Variants in PPP6R3 observed in about 807,000 individuals in gnomAD.
PPP6R3 encodes the protein serine/threonine-protein phosphatase 6 regulatory subunit 3.
PPP6R3 carries 38 observed loss-of-function variants against 110.7 expected under a neutral mutation model. The observed-to-expected ratio is 0.34, with a 90% CI of 0.26 to 0.45. The LOEUF (loss-of-function observed/expected upper bound fraction) is 0.45, where lower values mean the gene tolerates loss of function less well. PPP6R3 is among the 20% of genes least tolerant of loss of function. The pLI, the probability that PPP6R3 is intolerant of heterozygous loss-of-function variation, is 1.00. For synonymous variants in PPP6R3, 369 were observed against 373.5 expected (o/e 0.99, Z 0.14); for missense variants, 870 against 1,062.4 (o/e 0.82, Z 2.52).
chr11:68,603,526 G>GGT, intron 22 of PPP6R3, 34 bp downstream of exon 22: 1 of 1,612,966 alleles, frequency 6.2e-7, no homozygotes. Context: ...GGTAGCTTCA[G>GGT]GTTATTGGGA....
chr11:68,508,405 C>T (rs181735255), intron 1 of PPP6R3, among the ~76,000 whole-genome samples: 2 of 152,244 alleles, frequency 1.3e-5, no homozygotes, highest in East Asian at 3.9e-4. Context: ...GCTGGGATTA[C>T]AGGCGTGAGC....
intron 7 of PPP6R3, among the ~76,000 whole-genome samples, chr11:68,556,223 G>T (rs994690144): frequency 7.9e-5 from 12 of 152,078 alleles, no homozygotes; most frequent in Admixed American, 7.9e-4. Context: ...TAAATGTTAA[G>T]CACAGATAGC....
chr11:68,497,222 T>TA, intron 1 of PPP6R3, among the ~76,000 whole-genome samples: 1 of 150,256 alleles, frequency 6.7e-6, no homozygotes, highest in South Asian at 2.1e-4. Flanking sequence ...AATTTTTTTT[T>TA]TTTTTGTATT....
At chr11:68,461,215 CGCGCCCGGTCT>C (rs938742642) in intron 1 of PPP6R3, among the ~76,000 whole-genome samples, 1 of 151,538 alleles carries the variant, frequency 6.6e-6, no homozygotes, top group Non-Finnish European at 1.5e-5. Flanking sequence ...CCGCCCGGCC[CGCGCCCGGTCT>C]CCGCTCCCGC....
chr11:68,607,878 G>A (rs1036412793), intron 22 of PPP6R3, among the ~76,000 whole-genome samples: 2 of 151,754 alleles, frequency 1.3e-5, no homozygotes, highest in African/African-American at 4.8e-5. Context: ...AGCTCCAGCA[G>A]TCCTCCCACC....
chr11:68,520,395 A>C (rs919500090), intron 2 of PPP6R3, among the ~76,000 whole-genome samples: 1 of 152,164 alleles, frequency 6.6e-6, no homozygotes, highest in African/African-American at 2.4e-5. Flanking sequence ...GACTCTTGCA[A>C]CTGTCTTTTT....
chr11:68,582,963 T>C (rs2099567094), intron 14 of PPP6R3, 80 bp from the exon 15 acceptor site: 3 of 1,060,490 alleles, frequency 2.8e-6, no homozygotes, highest in South Asian at 1.5e-5. Flanking sequence ...AAACTAAATG[T>C]GATTTTTCCA....
At chr11:68,485,474 A>G (rs1591819832) in intron 1 of PPP6R3, among the ~76,000 whole-genome samples, 1 of 152,114 alleles carries the variant, frequency 6.6e-6, no homozygotes, top group East Asian at 1.9e-4. Context: ...CTTAGTGGGA[A>G]AGCTTTAATT....
intron 21 of PPP6R3, 145 bp from the exon 22 acceptor site, chr11:68,603,197 C>A: frequency 9.4e-7 from 1 of 1,059,724 alleles, no homozygotes; most frequent in Non-Finnish European, 1.4e-6. Context: ...AGAATGTGGC[C>A]CAGACAACAG....
chr11:68,565,905 A>T (rs981893543), intron 9 of PPP6R3, among the ~76,000 whole-genome samples: 2 of 152,172 alleles, frequency 1.3e-5, no homozygotes, highest in Non-Finnish European at 2.9e-5. Flanking sequence ...TGTGGGCCTT[A>T]CAGCTCTGTG....
rs1468423723 is a variant in PPP6R3 at position 68,588,150 on chromosome 11, G to A, written c.1730+126G>A. On this transcript the variant is annotated intron_variant, in intron 16 of 23. Coordinates refer to ENST00000393800, the MANE Select transcript of PPP6R3 (RefSeq NM_001164161.2). ...GTGGGAGGAACCTGCTCTTTCCACG[G>A]TGTTCCTCTAGTTCCAGCAGATTGG... 22 of 827,322 alleles carry A rather than the reference G, an allele frequency of 2.7e-5. No individual in the cohort carries two copies. In the Admixed American group the frequency reaches 3.8e-4, roughly 14 times the overall value. 51.2% of individuals were successfully genotyped at this position (827,322 alleles called of 1,614,324 possible). A position where few individuals can be genotyped will look rare whatever the true frequency, so the allele number is the denominator to read the frequency against.
chr11:68,603,448 C>T lies in PPP6R3; in HGVS notation c.2406C>T (p.Leu802=), dbSNP rs765938462. 1.1e-5 allele frequency: 17 copies of T among 1,614,156 alleles called. No homozygotes were observed. The highest frequency in any genetic ancestry group is 2.2e-5 in the East Asian group (1 of 44,886). Residue 802 remains leucine, a synonymous_variant, in exon 22 of 24, where the codon CTC becomes CTT. Transcript: ENST00000393800. ...TGAATGGCGGCATGAAGGAAACGCT[C>T]AGCCTCACTGTAGATGCCAAGACAG... ...TVMNGGMKET[L]SLTVDAKTET... is the part of the protein sequence containing the mutation.
rs1468107550 is a variant in PPP6R3, at chr11:68,573,153, T to TATATATATATATAA, written c.1344-955_1344-954insTATATATATATAAA. Among the ~76,000 whole-genome samples the TATATATATATATAA allele has an allele frequency of 1.6e-3, 169 of 103,558 alleles. 3 individuals carry two copies. Among genetic ancestry groups the TATATATATATATAA allele is most frequent in the African/African-American group, 6.1e-3 (160 of 26,076 alleles). 67.9% of individuals were successfully genotyped at this position (103,558 alleles called of 152,430 possible). ...ATATATATATATATATATATATATATAATTTTTTTTTTTTTGAGACGGAGT... is the reference window on the plus strand; with the variant it reads ...ATATATATATATATATATATATATATATATATATATATAAAATTTTTTTTTTTTTGAGACGGAGT... On this transcript the variant is annotated intron_variant, in intron 12 of 23. Transcript: ENST00000393800.
chr11:68,513,504 A>C (rs1294792592), intron 1 of PPP6R3, among the ~76,000 whole-genome samples: 1 of 152,248 alleles, frequency 6.6e-6, no homozygotes, highest in Non-Finnish European at 1.5e-5. Flanking sequence ...TGGACATAAC[A>C]GACTTTGAAA....
intron 1 of PPP6R3, among the ~76,000 whole-genome samples, chr11:68,491,057 A>T (rs534465418): frequency 9.2e-5 from 14 of 152,148 alleles, no homozygotes; most frequent in African/African-American, 3.4e-4. Flanking sequence ...GTGGTGGCAC[A>T]CACCTGTAGT....
chr11:68,612,865 G>T, intron 23 of PPP6R3: 2 of 1,028,796 alleles, frequency 1.9e-6, no homozygotes, highest in Non-Finnish European at 2.7e-6. Context: ...CTGCTCACCC[G>T]GTGATGAAGC....
At chr11:68,533,907 C>T (rs1182902869) in intron 2 of PPP6R3, among the ~76,000 whole-genome samples, 1 of 152,130 alleles carries the variant, frequency 6.6e-6, no homozygotes, top group African/African-American at 2.4e-5. Flanking sequence ...AATGTTGCTT[C>T]TGGCTCACTG....
At chr11:68,469,371 T>A (rs971980728) in intron 1 of PPP6R3, among the ~76,000 whole-genome samples, 1 of 151,988 alleles carries the variant, frequency 6.6e-6, no homozygotes, top group Non-Finnish European at 1.5e-5. Flanking sequence ...AGTGGTGTAA[T>A]CCCAGGCTAG....
chr11:68,461,010 C>T (rs1376934956), intron 1 of PPP6R3, among the ~76,000 whole-genome samples, 183 bp downstream of exon 1: 5 of 151,810 alleles, frequency 3.3e-5, no homozygotes, highest in Non-Finnish European at 5.9e-5. Context: ...CGAGTCCTTC[C>T]CGGCCGCTCC....
Sources: allele counts gnomAD v4.1 joint callset (sites outside exome capture counted in the v4.1 genomes callset), GRCh38; gene constraint gnomAD v4.1.1; transcripts MANE v1.5; gene names NCBI Gene and HGNC (gene_info 2026-07-23, HGNC 2026-07-21).